Variants in LRP1B observed in about 807,000 individuals in gnomAD.
The protein encoded by LRP1B is LDL receptor related protein 1B.
LRP1B carries 217 observed loss-of-function variants against 556.6 expected under a neutral mutation model. The observed-to-expected ratio is 0.39, with a 90% CI of 0.35 to 0.44. LRP1B has a LOEUF of 0.44. LRP1B is among the 20% of genes least tolerant of loss of function. The pLI is 1.00. For synonymous variants in LRP1B, 2,047 were observed against 1,865.8 expected (o/e 1.10, Z -2.50); for missense variants, 5,053 against 5,620.8 (o/e 0.90, Z 3.23).
At chr2:141,970,664 A>G (rs1367564836) in intron 1 of LRP1B, among the ~76,000 whole-genome samples, 2 of 151,544 alleles carry the variant, frequency 1.3e-5, no homozygotes, top group African/African-American at 4.8e-5. Flanking sequence ...AATCTGATAA[A>G]AACACCATAA....
At chr2:140,618,860 A>G (rs1229076926) in intron 41 of LRP1B, among the ~76,000 whole-genome samples, 1 of 151,962 alleles carries the variant, frequency 6.6e-6, no homozygotes, top group Non-Finnish European at 1.5e-5. Context: ...ATCTTACCCA[A>G]ATGAAAATCG....
chr2:141,372,135 A>G (rs1185089973), intron 3 of LRP1B, among the ~76,000 whole-genome samples: 2 of 151,954 alleles, frequency 1.3e-5, no homozygotes, highest in East Asian at 1.9e-4. Flanking sequence ...AGTTTTTTTC[A>G]TGTGATTTTG....
chr2:140,327,274 T>C (rs1360728188), intron 79 of LRP1B, among the ~76,000 whole-genome samples: 3 of 152,090 alleles, frequency 2.0e-5, no homozygotes, highest in Non-Finnish European at 4.4e-5. Flanking sequence ...ATAATCCACA[T>C]TGGAAACCAC....
chr2:141,883,312 C>T (rs1206040045), intron 1 of LRP1B, among the ~76,000 whole-genome samples: 2 of 152,006 alleles, frequency 1.3e-5, no homozygotes, highest in African/African-American at 2.4e-5. Context: ...CAAGAAGGAG[C>T]TGAAAGGAGA....
chr2:141,206,207 A>C (rs991599762), intron 6 of LRP1B, among the ~76,000 whole-genome samples: 16 of 152,140 alleles, frequency 1.1e-4, no homozygotes, highest in Admixed American at 5.9e-4. Flanking sequence ...TAAGATTCCC[A>C]AAAGACGACA....
At chr2:141,204,138 C>T (rs1434018702) in intron 6 of LRP1B, among the ~76,000 whole-genome samples, 2 of 152,084 alleles carry the variant, frequency 1.3e-5, no homozygotes, top group East Asian at 1.9e-4. Context: ...GTTGGACAAA[C>T]ATTTTAGATA....
intron 1 of LRP1B, among the ~76,000 whole-genome samples, chr2:141,960,564 C>T (rs999453778): frequency 4.0e-5 from 6 of 151,846 alleles, no homozygotes; most frequent in African/African-American, 1.4e-4. Flanking sequence ...TTTCTCTCCT[C>T]TAAACTACCC....
At chr2:141,479,350 T>A (rs1223550606) in intron 3 of LRP1B, among the ~76,000 whole-genome samples, 1 of 152,204 alleles carries the variant, frequency 6.6e-6, no homozygotes, top group Non-Finnish European at 1.5e-5. Context: ...CATCTGACTT[T>A]GAGCACTTTA....
intron 51 of LRP1B, among the ~76,000 whole-genome samples, chr2:140,511,255 T>A (rs1194803391): frequency 6.7e-6 from 1 of 149,348 alleles, no homozygotes; most frequent in African/African-American, 2.5e-5. Context: ...TTCAATATGG[T>A]AAGCAGTGGG....
intron 41 of LRP1B, among the ~76,000 whole-genome samples, chr2:140,625,866 C>T (rs1464564296): frequency 6.6e-6 from 1 of 152,124 alleles, no homozygotes; most frequent in Non-Finnish European, 1.5e-5. Context: ...AGCATTCATT[C>T]ACCCTATTAT....
chr2:140,946,613 CAACAACAACAACAAA>C (rs1559210729), intron 20 of LRP1B, among the ~76,000 whole-genome samples: 2 of 151,842 alleles, frequency 1.3e-5, no homozygotes, highest in Non-Finnish European at 2.9e-5. Flanking sequence ...ACAAGAACAA[CAACAACAACAACAAA>C]AACAACAACA....
At chr2:140,797,732 G>A (rs1040975841) in intron 32 of LRP1B, among the ~76,000 whole-genome samples, 1 of 151,966 alleles carries the variant, frequency 6.6e-6, no homozygotes, top group Non-Finnish European at 1.5e-5. Flanking sequence ...TGAAACATAA[G>A]CTATTTTTTA....
intron 41 of LRP1B, among the ~76,000 whole-genome samples, chr2:140,619,189 T>C (rs1042332258): frequency 1.3e-5 from 2 of 151,876 alleles, no homozygotes; most frequent in Admixed American, 6.6e-5. Flanking sequence ...CTGCCCCCTT[T>C]CCAGTCCCCT....
chr2:142,005,095 T>C (rs1231772640), intron 1 of LRP1B, among the ~76,000 whole-genome samples: 2 of 148,432 alleles, frequency 1.3e-5, no homozygotes, highest in African/African-American at 4.9e-5. Context: ...ATGTAAACTA[T>C]ATATTTATTA....
chr2:140,707,471 A>G (rs1295320633), intron 37 of LRP1B, among the ~76,000 whole-genome samples: 1 of 152,176 alleles, frequency 6.6e-6, no homozygotes, highest in African/African-American at 2.4e-5. Context: ...ACATGAGCAT[A>G]AGCTTTTAAC....
At chr2:140,365,059 A>G (rs1005300832) in intron 71 of LRP1B, among the ~76,000 whole-genome samples, 5 of 151,758 alleles carry the variant, frequency 3.3e-5, no homozygotes, top group African/African-American at 1.2e-4. Context: ...TAAGAATCTA[A>G]GTTATACTCT....
intron 3 of LRP1B, among the ~76,000 whole-genome samples, chr2:141,263,300 G>A (rs1200125955): frequency 1.3e-5 from 2 of 151,874 alleles, no homozygotes; most frequent in Non-Finnish European, 2.9e-5. Context: ...GAAATCTAAT[G>A]AATTATAAAC....
intron 32 of LRP1B, among the ~76,000 whole-genome samples, chr2:140,784,079 A>C (rs1689799641): frequency 6.6e-6 from 1 of 152,102 alleles, no homozygotes; most frequent in Non-Finnish European, 1.5e-5. Context: ...CAAACATTAG[A>C]ATCACCTGGA....
chr2:140,781,134 G>C (rs557888407), intron 32 of LRP1B, among the ~76,000 whole-genome samples: 2 of 152,200 alleles, frequency 1.3e-5, no homozygotes, highest in Admixed American at 6.5e-5. Context: ...TAAATAAATG[G>C]GTAAAGGAGC....
Sources: gnomAD v4.1 joint callset for allele counts (sites outside exome capture counted in the v4.1 genomes callset) on GRCh38, gnomAD v4.1.1 for gene constraint, MANE v1.5 for transcripts, NCBI Gene and HGNC (gene_info 2026-07-23, HGNC 2026-07-21) for gene names.